EFL1: variants seen among roughly 807,000 people sequenced by gnomAD.
EFL1 encodes elongation factor-like GTPase 1.
In EFL1, 76 loss-of-function variants were observed where a neutral mutation model predicts 126.7. The observed-to-expected ratio is 0.60, with a 90% CI of 0.50 to 0.73. EFL1 has a LOEUF of 0.73. EFL1 is among the 30% of genes least tolerant of loss of function. The probability of loss-of-function intolerance (pLI) is 0.00; values close to 1 mark genes in which losing one functional copy is unlikely to be tolerated. For synonymous variants in EFL1, 410 were observed against 448.4 expected (o/e 0.91, Z 1.08); for missense variants, 1,128 against 1,343.2 (o/e 0.84, Z 2.50).
intron 12 of EFL1, among the ~76,000 whole-genome samples, chr15:82,221,847 C>T (rs1431985734): frequency 2.0e-5 from 3 of 152,192 alleles, no homozygotes; most frequent in South Asian, 2.1e-4. Flanking sequence ...TAGCCATGGC[C>T]GCAGTTCTCT....
At chr15:82,201,041 T>A (rs1567060810) in intron 15 of EFL1, among the ~76,000 whole-genome samples, 1 of 152,242 alleles carries the variant, frequency 6.6e-6, no homozygotes, top group African/African-American at 2.4e-5. Flanking sequence ...CCTGTTTTTT[T>A]ATTTTTCTAT....
intron 3 of EFL1, among the ~76,000 whole-genome samples, chr15:82,253,197 A>G (rs897607481): frequency 6.6e-6 from 1 of 151,962 alleles, no homozygotes; most frequent in African/African-American, 2.4e-5. Flanking sequence ...GTGCTAACAC[A>G]CCTGGCTAAT....
chr15:82,165,373 A>C (rs1458382859), intron 15 of EFL1, among the ~76,000 whole-genome samples: 1 of 152,188 alleles, frequency 6.6e-6, no homozygotes, highest in African/African-American at 2.4e-5. Flanking sequence ...TGCTGTCCTT[A>C]GTTGACCAAT....
chr15:82,198,580 C>T (rs190214916), intron 15 of EFL1, among the ~76,000 whole-genome samples: 2 of 152,220 alleles, frequency 1.3e-5, no homozygotes, highest in African/African-American at 4.8e-5. Context: ...GAGAAGAGGG[C>T]ACAGAGGGTA....
intron 19 of EFL1, among the ~76,000 whole-genome samples, chr15:82,132,690 G>T (rs1220106673): frequency 4.9e-5 from 6 of 121,220 alleles, no homozygotes; most frequent in South Asian, 4.9e-4. Flanking sequence ...TTGGGGGGGG[G>T]GGGGGGTAGG....
chr15:82,156,584 G>C (rs1288357883), intron 17 of EFL1, among the ~76,000 whole-genome samples: 1 of 151,612 alleles, frequency 6.6e-6, no homozygotes, highest in East Asian at 1.9e-4. Context: ...TGCCTGGCCA[G>C]CAGCAGTTAT....
Position 82,244,266 on chromosome 15 carries a change from A to T in EFL1, c.245-2863T>A, listed in dbSNP as rs138873791. Among the ~76,000 whole-genome samples the T allele has an allele frequency of 7.1e-3, 1,088 of 152,262 alleles. 16 individuals carry two copies. Among genetic ancestry groups the T allele is most frequent in the Middle Eastern group, 0.034 (10 of 294 alleles). On this transcript the variant is annotated intron_variant, in intron 4 of 19. Transcript: ENST00000268206. ...GACTTCAGCCACATTATGTCTCTTT[A>T]AAAAATGCCACTTACCACTTTTGCG... is the stretch of plus-strand genomic sequence containing the variant.
At chr15:82,204,208 T>A (rs1782802228) in intron 15 of EFL1, among the ~76,000 whole-genome samples, 1 of 152,152 alleles carries the variant, frequency 6.6e-6, no homozygotes, top group African/African-American at 2.4e-5. Flanking sequence ...TGTTTCTCTA[T>A]CCAGTATCAC....
intron 4 of EFL1, among the ~76,000 whole-genome samples, chr15:82,249,774 G>C (rs2075004856): frequency 6.6e-6 from 1 of 152,172 alleles, no homozygotes; most frequent in East Asian, 1.9e-4. Context: ...AAAGATAATA[G>C]AGGTTCCATT....
chr15:82,155,914 T>C lies in EFL1; in HGVS notation c.2030+1799A>G, dbSNP rs557356008. The stretch of plus-strand genomic sequence containing the variant: ...TTCAAGTCTTTGTACAGTTTTTCTA[T>C]TGGATTGCTGCTCTTCTCATTTATT... On this transcript the variant is annotated intron_variant, in intron 17 of 19. Coordinates refer to ENST00000268206, the MANE Select transcript of EFL1 (RefSeq NM_024580.6). Among the ~76,000 whole-genome samples the C allele has an allele frequency of 4.6e-5, 7 of 152,338 alleles. No homozygotes were observed. In the South Asian group the frequency reaches 1.4e-3, roughly 32 times the overall value.
chr15:82,180,011 G>A (rs1476557239), intron 15 of EFL1, among the ~76,000 whole-genome samples: 3 of 152,112 alleles, frequency 2.0e-5, no homozygotes, highest in Non-Finnish European at 1.5e-5. Context: ...CTAAGTGAGG[G>A]ACTAAGTACC....
chr15:82,223,569 G>A (rs148118570), intron 12 of EFL1, among the ~76,000 whole-genome samples: 1 of 152,168 alleles, frequency 6.6e-6, no homozygotes, highest in Non-Finnish European at 1.5e-5. Flanking sequence ...AGGATGGGTA[G>A]AGCTAGGAAT....
At chr15:82,177,101 G>C (rs1367033132) in intron 15 of EFL1, among the ~76,000 whole-genome samples, 1 of 152,154 alleles carries the variant, frequency 6.6e-6, no homozygotes, top group East Asian at 1.9e-4. Context: ...TTGGCTTCTG[G>C]GATGTTTGTA....
chr15:82,136,408 T>C (rs2073722649), intron 19 of EFL1, among the ~76,000 whole-genome samples: 1 of 152,184 alleles, frequency 6.6e-6, no homozygotes, highest in Admixed American at 6.5e-5. Flanking sequence ...GAAGCATGAC[T>C]TGTGAATTCT....
Position 82,251,076 on chromosome 15 carries a change from G to A in EFL1, c.244+1615C>T, listed in dbSNP as rs2075016961. ...AAAATACAAAAATTAGCCGGGCACG[G>A]TGGCATGCATCTGCAATCCCAGCTT... On this transcript the variant is annotated intron_variant, in intron 4 of 19. Transcript: ENST00000268206. Among the ~76,000 whole-genome samples, 3 of 152,116 alleles carry A rather than the reference G, an allele frequency of 2.0e-5. No individual in the cohort carries two copies. In the South Asian group the frequency reaches 6.2e-4, roughly 32 times the overall value.
intron 15 of EFL1, among the ~76,000 whole-genome samples, chr15:82,188,791 G>A (rs2074327904): frequency 1.3e-5 from 2 of 151,628 alleles, no homozygotes; most frequent in African/African-American, 2.4e-5. Flanking sequence ...TTTCCTCTAT[G>A]TTGTTTCACA....
chr15:82,211,472 G>C (rs1209820718), intron 15 of EFL1, among the ~76,000 whole-genome samples: 1 of 150,874 alleles, frequency 6.6e-6, no homozygotes, highest in East Asian at 1.9e-4. Flanking sequence ...GTTACAGTGA[G>C]CCGAGATTGT....
At chr15:82,165,079 C>T (rs188518697) in intron 15 of EFL1, among the ~76,000 whole-genome samples, 3 of 152,120 alleles carry the variant, frequency 2.0e-5, no homozygotes, top group Non-Finnish European at 4.4e-5. Flanking sequence ...TCAAGACCAG[C>T]CTGGGTAACA....
Position 82,157,841 on chromosome 15 carries a change from T to C in EFL1, c.1902A>G (p.Val634=). Residue 634 remains valine, a synonymous_variant, in exon 17 of 20, where the codon GTA becomes GTG. Coordinates refer to ENST00000268206, the MANE Select transcript of EFL1 (RefSeq NM_024580.6). ...PKHPSEMPQL[V]KGMKLLNQAD... ...CCTGGTTTAACAGTTTCATTCCTTT[T>C]ACGAGCTGAGGCATTTCACCTAGGT... 1.2e-6 allele frequency: 2 copies of C among 1,613,418 alleles called. No individual in the cohort carries two copies.
Sources: gnomAD v4.1 joint callset for allele counts (sites outside exome capture counted in the v4.1 genomes callset) on GRCh38, gnomAD v4.1.1 for gene constraint, MANE v1.5 for transcripts, NCBI Gene and HGNC (gene_info 2026-07-23, HGNC 2026-07-21) for gene names.